DOCK9: variants seen among roughly 807,000 people sequenced by gnomAD.
The protein encoded by DOCK9 is dedicator of cytokinesis 9, also known as dedicator of cytokinesis protein 9.
A neutral mutation model predicts 263.3 loss-of-function variants in DOCK9; 89 were observed. The observed-to-expected ratio is 0.34, with a 90% CI of 0.28 to 0.40. DOCK9 has a LOEUF of 0.40. Ranked by LOEUF, DOCK9 falls within the 10% of genes least tolerant of loss-of-function variation. The probability of loss-of-function intolerance (pLI) is 1.00; values close to 1 mark genes in which losing one functional copy is unlikely to be tolerated. For missense variants in DOCK9, 2,140 were observed against 2,603.4 expected (o/e 0.82, Z 3.87); for synonymous variants, 976 against 973.1 (o/e 1.00, Z -0.06).
chr13:99,058,443 TGAGCCACTGCACCTGGCCAA>T (rs1348962450), intron 1 of DOCK9, among the ~76,000 whole-genome samples: 2 of 152,178 alleles, frequency 1.3e-5, no homozygotes, highest in African/African-American at 2.4e-5. Flanking sequence ...ATTATGGGCA[TGAGCCACTGCACCTGGCCAA>T]GAGTACTTGA....
intron 7 of DOCK9, 143 bp from the exon 8 acceptor site, chr13:98,915,646 G>GCCCC: frequency 1.6e-6 from 1 of 614,948 alleles, no homozygotes; most frequent in Non-Finnish European, 2.6e-6. Context: ...CCTCATGAAA[G>GCCCC]CCCCCCCCCA....
Position 98,950,762 on chromosome 13 carries a change from G to A in DOCK9, c.243+4673C>T, listed in dbSNP as rs540339643. On this transcript the variant is annotated intron_variant, in intron 2 of 52. Coordinates refer to ENST00000682017, the MANE Select transcript of DOCK9 (RefSeq NM_001366683.2). The stretch of plus-strand genomic sequence containing the variant: ...TCATATACTGTCACTTTACATAGTC[G>A]CACAAGCATAAGTAAGCTGTGTAAC... 9.9e-5 allele frequency among the ~76,000 whole-genome samples: 15 copies of A among 152,252 alleles called. No homozygotes were observed. In the South Asian group the frequency reaches 1.0e-3, roughly 11 times the overall value.
Position 98,829,951 on chromosome 13 carries a change from A to G in DOCK9, c.4636-195T>C, listed in dbSNP as rs1045560132. Among the ~76,000 whole-genome samples, 1 of 152,220 alleles carries G rather than the reference A, an allele frequency of 6.6e-6. No homozygotes were observed. The highest frequency in any genetic ancestry group is 2.1e-4 in the South Asian group (1 of 4,832). On this transcript the variant is annotated intron_variant, in intron 41 of 52. Transcript: ENST00000682017. The surrounding 1 kb of genome is among the most constrained non-coding windows in gnomAD (Gnocchi z 4.1). The stretch of plus-strand genomic sequence containing the variant: ...CCTTTAAGAATAATTACAGAAAGTG[A>G]TTCTGCTATCCTTAAAAAACACTGT...
intron 1 of DOCK9, among the ~76,000 whole-genome samples, chr13:99,063,318 A>G (rs1408714456): frequency 6.7e-6 from 1 of 149,712 alleles, no homozygotes; most frequent in Non-Finnish European, 1.5e-5. Context: ...GGCCCTACCC[A>G]GACTGTGGGG....
intron 1 of DOCK9, among the ~76,000 whole-genome samples, chr13:98,987,973 T>C (rs1280541108): frequency 3.3e-5 from 5 of 152,092 alleles, no homozygotes; most frequent in Non-Finnish European, 5.9e-5. Flanking sequence ...AATAAAAACA[T>C]TAAAAAAATT....
rs528899202 is a variant in DOCK9, at chr13:99,015,564, G to A, written c.130-60013C>T. 118 of 1,598,088 alleles carry A rather than the reference G, an allele frequency of 7.4e-5. 1 individual carries two copies. The highest frequency in any genetic ancestry group is 6.4e-4 in the South Asian group (58 of 91,026). Reference sequence around the variant, plus strand: ...TATAAGCACAGTTTCTTTCAAAAACGGTGCGGATGCCTTTAAACAGAATCA... The same window carrying A: ...TATAAGCACAGTTTCTTTCAAAAACAGTGCGGATGCCTTTAAACAGAATCA... On this transcript the variant is annotated intron_variant, in intron 1 of 32. Coordinates refer to the DOCK9 transcript ENST00000427887.
intron 20 of DOCK9, 72 bp from the exon 21 acceptor site, chr13:98,885,164 T>G: frequency 6.4e-7 from 1 of 1,566,896 alleles, no homozygotes; most frequent in South Asian, 1.2e-5. Context: ...AGCAAGCCAA[T>G]GTAAAACCGT....
In DOCK9 at chr13:98,977,816, C is replaced by G. The variant is rs200589037; in HGVS notation, c.94G>C (p.Glu32Gln). The change falls in exon 1 of 53, where the codon GAA becomes CAA. Residue 32 changes from glutamate (E) to glutamine (Q), a missense_variant. By Grantham distance (29) the Glu-to-Gln change is conservative. This residue lies in a region of DOCK9 where 1,521 missense variants were observed against 1,741.7 expected (regional missense o/e 0.87). Transcript: ENST00000682017. ...GGGCCCGGGCTCTCTGCTTCCACTT[C>G]GCCCTGAGCTGCATCCTTGTATTGC... is the stretch of plus-strand genomic sequence containing the variant. ...PLQYKDAAQGEVEAESPGPVP... is the reference protein window; with the variant it reads ...PLQYKDAAQGQVEAESPGPVP... The G allele has an allele frequency of 6.2e-7, 1 of 1,611,024 alleles. No homozygotes were observed. Among genetic ancestry groups the G allele is most frequent in the South Asian group, 1.1e-5 (1 of 90,190 alleles).
intron 1 of DOCK9, 71 bp downstream of exon 1, chr13:98,977,713 C>A: frequency 6.8e-7 from 1 of 1,475,078 alleles, no homozygotes; most frequent in South Asian, 1.3e-5. Context: ...CAGGCGTCAA[C>A]CCCGTCCACA....
chr13:98,795,800 C>T (rs1416603078), intron 52 of DOCK9, among the ~76,000 whole-genome samples: 1 of 151,592 alleles, frequency 6.6e-6, no homozygotes, highest in African/African-American at 2.4e-5. Flanking sequence ...GCTCTGTGGC[C>T]CAGGCTAGAG....
At chr13:99,036,919 A>G (rs763769631) in intron 1 of DOCK9, among the ~76,000 whole-genome samples, 2 of 152,194 alleles carry the variant, frequency 1.3e-5, no homozygotes, top group Non-Finnish European at 2.9e-5. Context: ...CATTTTGTCC[A>G]TTCAGCAAAT....
intron 2 of DOCK9, among the ~76,000 whole-genome samples, chr13:98,937,276 A>G (rs2140433131): frequency 6.6e-6 from 1 of 152,346 alleles, no homozygotes; most frequent in East Asian, 1.9e-4. Context: ...AAACATTGCT[A>G]GCATCTCACA....
intron 15 of DOCK9, among the ~76,000 whole-genome samples, chr13:98,895,688 A>G: frequency 6.6e-6 from 1 of 152,118 alleles, no homozygotes; most frequent in Non-Finnish European, 1.5e-5. Context: ...AAGTTCTCCA[A>G]AAGTTCACCA....
chr13:98,902,171 T>G (rs549735449), intron 12 of DOCK9, 117 bp downstream of exon 12: 1 of 1,106,598 alleles, frequency 9.0e-7, no homozygotes, highest in African/African-American at 1.6e-5. Flanking sequence ...TACTATTAAT[T>G]AAGAGTCTAA....
chr13:99,043,600 C>T (rs752942383), intron 1 of DOCK9, among the ~76,000 whole-genome samples: 1 of 152,130 alleles, frequency 6.6e-6, no homozygotes, highest in Non-Finnish European at 1.5e-5. Context: ...CCAAACAGGT[C>T]CACAAACAGG....
At chr13:99,038,288 C>CCCT (rs1888110933) in intron 1 of DOCK9, among the ~76,000 whole-genome samples, 1 of 86,266 alleles carries the variant, frequency 1.2e-5, no homozygotes, top group East Asian at 3.7e-4. Context: ...TTATGCCCCC[C>CCCT]TTTTTTTTTT....
chr13:98,895,521 C>G (rs976324454), intron 15 of DOCK9, among the ~76,000 whole-genome samples: 4 of 151,756 alleles, frequency 2.6e-5, no homozygotes, highest in Admixed American at 6.6e-5. Context: ...AAAAATTAGC[C>G]AGGCGTAGTG....
intron 9 of DOCK9, among the ~76,000 whole-genome samples, chr13:98,912,796 G>A (rs537149202): frequency 2.6e-5 from 4 of 152,088 alleles, no homozygotes; most frequent in South Asian, 4.2e-4. Context: ...TATCCATTCC[G>A]TTCACCCAGT....
intron 1 of DOCK9, among the ~76,000 whole-genome samples, chr13:99,061,174 G>C (rs1281390729): frequency 6.6e-6 from 1 of 152,114 alleles, no homozygotes; most frequent in Admixed American, 6.5e-5. Context: ...AAAACAGTGA[G>C]CCCAAGCTGT....
Sources: gnomAD v4.1 joint callset for allele counts (sites outside exome capture counted in the v4.1 genomes callset) on GRCh38, gnomAD v4.1.1 for gene constraint, gnomAD v4.1.1 regional missense constraint, Gnocchi (gnomAD v3.1) non-coding constraint, MANE v1.5 for transcripts, NCBI Gene and HGNC (gene_info 2026-07-23, HGNC 2026-07-21) for gene names.